Variants in WDR70 observed in about 807,000 individuals in gnomAD.
WDR70 encodes the protein WD repeat domain 70.
Under a neutral mutation model 88.6 loss-of-function variants are expected in WDR70, and 53 were observed. The observed-to-expected ratio is 0.60, with a 90% CI of 0.48 to 0.75. WDR70 has a LOEUF of 0.75. WDR70 is among the 30% of genes least tolerant of loss of function. The probability of loss-of-function intolerance (pLI) is 0.00; values close to 1 mark genes in which losing one functional copy is unlikely to be tolerated. For synonymous variants in WDR70, 280 were observed against 270.0 expected (o/e 1.04, Z -0.36); for missense variants, 610 against 823.2 (o/e 0.74, Z 3.17).
At chr5:37,430,947 G>T (rs957782911) in intron 5 of WDR70, among the ~76,000 whole-genome samples, 1 of 152,010 alleles carries the variant, frequency 6.6e-6, no homozygotes, top group South Asian at 2.1e-4. Context: ...TCTGCCTCCC[G>T]GGTTCAGGCC....
At chr5:37,397,753 G>C (rs1209062245) in intron 5 of WDR70, among the ~76,000 whole-genome samples, 1 of 152,162 alleles carries the variant, frequency 6.6e-6, no homozygotes, top group Non-Finnish European at 1.5e-5. Flanking sequence ...CCAGCACTTT[G>C]GGAGGCTGAG....
At chr5:37,518,950 A>C (rs1180626027) in intron 9 of WDR70, among the ~76,000 whole-genome samples, 1 of 152,000 alleles carries the variant, frequency 6.6e-6, no homozygotes, top group Non-Finnish European at 1.5e-5. Context: ...ACCACCCTTA[A>C]TCCATTTAAC....
intron 5 of WDR70, among the ~76,000 whole-genome samples, chr5:37,397,555 G>A (rs1054123303): frequency 5.3e-5 from 8 of 152,180 alleles, no homozygotes; most frequent in Admixed American, 2.6e-4. Context: ...GAGCAAACTG[G>A]ATCTAAAATT....
chr5:37,699,398 T>TACAC lies in WDR70; in HGVS notation c.1192+1645_1192+1646insCACA, dbSNP rs780835202. Among the ~76,000 whole-genome samples the TACAC allele has an allele frequency of 9.0e-4, 67 of 74,136 alleles. 1 individual carries two copies. In the South Asian group the frequency reaches 0.017, roughly 19 times the overall value. 48.6% of individuals were successfully genotyped at this position (74,136 alleles called of 152,430 possible). A position where few individuals can be genotyped will look rare whatever the true frequency, so the allele number is the denominator to read the frequency against. The stretch of plus-strand genomic sequence containing the variant: ...GTATATATATGTATGTGTGTATATA[T>TACAC]ATATACACACACACACACACACACA... On this transcript the variant is annotated intron_variant, in intron 11 of 17. Transcript: ENST00000265107.
chr5:37,421,628 G>A lies in WDR70; in HGVS notation c.493-16294G>A, dbSNP rs533696200. On this transcript the variant is annotated intron_variant, in intron 5 of 17. Transcript: ENST00000265107. Reference sequence around the variant, plus strand: ...TTACATTTTTAGTAACAGAACTGTGGAGATATCAGGGTGAAGTGTGTATTA... The same window carrying A: ...TTACATTTTTAGTAACAGAACTGTGAAGATATCAGGGTGAAGTGTGTATTA... Among the ~76,000 whole-genome samples, 17 of 152,088 alleles carry A rather than the reference G, an allele frequency of 1.1e-4. No homozygotes were observed. The South Asian group carries it at 3.3e-3, about 30-fold the overall frequency.
intron 9 of WDR70, among the ~76,000 whole-genome samples, chr5:37,564,419 G>C (rs4869529): frequency 0.73 from 111,445 of 151,892 alleles, 41,442 homozygotes; most frequent in African/African-American, 0.86. Context: ...CGCAGGCACT[G>C]GGCAGGCTGA....
chr5:37,629,665 T>G lies in WDR70; in HGVS notation c.1092+24427T>G, dbSNP rs147868550. Among the ~76,000 whole-genome samples the G allele has an allele frequency of 1.9e-3, 297 of 152,308 alleles. 8 individuals carry two copies. In the South Asian group the frequency reaches 0.02, roughly 10 times the overall value. On this transcript the variant is annotated intron_variant, in intron 10 of 17. Coordinates refer to ENST00000265107, the MANE Select transcript of WDR70 (RefSeq NM_018034.4). Reference sequence around the variant, plus strand: ...TCCACCTCTTTCTTGAATTTATTACTTATATCATAAGTTGTTTTCCTGATT... The same window carrying G: ...TCCACCTCTTTCTTGAATTTATTACGTATATCATAAGTTGTTTTCCTGATT...
At chr5:37,685,897 C>T (rs879275512) in intron 10 of WDR70, among the ~76,000 whole-genome samples, 1 of 152,180 alleles carries the variant, frequency 6.6e-6, no homozygotes, top group Admixed American at 6.5e-5. Flanking sequence ...ACACAAGTTC[C>T]CAGCTTCCTC....
intron 17 of WDR70, among the ~76,000 whole-genome samples, chr5:37,746,461 CA>C (rs899335949): frequency 1.3e-5 from 2 of 151,846 alleles, no homozygotes; most frequent in African/African-American, 2.4e-5. Flanking sequence ...AAAAACCCTC[CA>C]AAAAAATCAA....
chr5:37,699,883 G>A (rs1388078543), intron 11 of WDR70, among the ~76,000 whole-genome samples: 1 of 151,512 alleles, frequency 6.6e-6, no homozygotes. Flanking sequence ...GGAGGCTGAG[G>A]TTACAGTGAG....
At chr5:37,659,427 A>G (rs562087394) in intron 10 of WDR70, among the ~76,000 whole-genome samples, 11 of 151,620 alleles carry the variant, frequency 7.3e-5, no homozygotes, top group African/African-American at 2.2e-4. Flanking sequence ...TTTTATTTCT[A>G]CTGTTTGTTA....
At chr5:37,669,897 G>C (rs9283746) in intron 10 of WDR70, among the ~76,000 whole-genome samples, 8,891 of 152,208 alleles carry the variant, frequency 0.058, 334 homozygotes, top group Middle Eastern at 0.12. Flanking sequence ...AAAACATTAC[G>C]CTAAATGAAA....
intron 5 of WDR70, among the ~76,000 whole-genome samples, chr5:37,413,538 T>C (rs895484599): frequency 4.6e-5 from 7 of 151,524 alleles, no homozygotes; most frequent in African/African-American, 7.3e-5. Flanking sequence ...CTGGCGAATA[T>C]GGTGAATCCC....
At chr5:37,459,395 A>G (rs965936878) in intron 7 of WDR70, among the ~76,000 whole-genome samples, 10 of 151,384 alleles carry the variant, frequency 6.6e-5, no homozygotes, top group African/African-American at 2.4e-4. Context: ...CATATCTACA[A>G]CTATCTGATC....
chr5:37,596,393 A>G (rs1743700874), intron 9 of WDR70, among the ~76,000 whole-genome samples: 1 of 152,126 alleles, frequency 6.6e-6, no homozygotes, highest in African/African-American at 2.4e-5. Flanking sequence ...CAAATTCTGT[A>G]TTTTCTAGCT....
intron 10 of WDR70, among the ~76,000 whole-genome samples, chr5:37,677,415 A>G (rs1405458436): frequency 1.3e-5 from 2 of 152,192 alleles, no homozygotes. Context: ...AATGTGTCCC[A>G]GAGATTCCGG....
At chr5:37,599,387 T>G (rs1158072304) in intron 9 of WDR70, among the ~76,000 whole-genome samples, 2 of 152,194 alleles carry the variant, frequency 1.3e-5, no homozygotes, top group Non-Finnish European at 1.5e-5. Flanking sequence ...CTCTGGAACA[T>G]ACTCAGAATA....
chr5:37,560,703 A>G (rs1742476918), intron 9 of WDR70, among the ~76,000 whole-genome samples: 1 of 152,158 alleles, frequency 6.6e-6, no homozygotes, highest in South Asian at 2.1e-4. Flanking sequence ...AGCAGCTAGA[A>G]GCTTTGTGAC....
intron 9 of WDR70, among the ~76,000 whole-genome samples, chr5:37,525,160 A>C (rs1308638250): frequency 6.6e-6 from 1 of 152,144 alleles, no homozygotes; most frequent in Non-Finnish European, 1.5e-5. Context: ...CTCCACCCCA[A>C]ATCAAAAGAA....
Sources: gnomAD v4.1 joint callset for allele counts (sites outside exome capture counted in the v4.1 genomes callset) on GRCh38, gnomAD v4.1.1 for gene constraint, MANE v1.5 for transcripts, NCBI Gene and HGNC (gene_info 2026-07-23, HGNC 2026-07-21) for gene names.